The following MSH4 variants were observed in gnomAD, a reference collection of about 807,000 sequenced individuals.
The protein encoded by MSH4 is mutS homolog 4.
Under a neutral mutation model 113.7 loss-of-function variants are expected in MSH4, and 106 were observed. The observed-to-expected ratio is 0.93, with a 90% CI of 0.80 to 1.10. The LOEUF (loss-of-function observed/expected upper bound fraction) is 1.10. MSH4 is among the 50% of genes least tolerant of loss of function. The pLI is 0.00. For missense variants in MSH4, 1,061 were observed against 1,093.7 expected, an observed-to-expected ratio of 0.97 and a Z score of 0.42; for synonymous variants, 368 against 380.2, an observed-to-expected ratio of 0.97 and a Z score of 0.37.
intron 17 of MSH4, among the ~76,000 whole-genome samples, chr1:75,891,549 G>T (rs1241728749): frequency 6.6e-6 from 1 of 152,034 alleles, no homozygotes; most frequent in Non-Finnish European, 1.5e-5. Context: ...CACCTTTCAG[G>T]CTCCAGCAAT....
intron 11 of MSH4, 76 bp downstream of exon 11, chr1:75,878,394 T>C (rs1373734524): frequency 8.8e-7 from 1 of 1,130,296 alleles, no homozygotes. Flanking sequence ...TTTTTGCTGC[T>C]GATGACTAGC....
chr1:75,891,739 C>T (rs956618856), intron 17 of MSH4, among the ~76,000 whole-genome samples: 1 of 151,992 alleles, frequency 6.6e-6, no homozygotes, highest in Admixed American at 6.6e-5. Context: ...CAGGCTGAGC[C>T]GTCATGCCCA....
At chr1:75,815,547 C>A (rs983226216) in intron 5 of MSH4, among the ~76,000 whole-genome samples, 3 of 152,144 alleles carry the variant, frequency 2.0e-5, no homozygotes, top group Non-Finnish European at 4.4e-5. Flanking sequence ...TCTGTCTTTA[C>A]TCCTAACAGA....
At chr1:75,878,920 AAC>A in intron 11 of MSH4, 70 bp from the exon 12 acceptor site, 1 of 1,344,342 alleles carries the variant, frequency 7.4e-7, no homozygotes, top group East Asian at 2.4e-5. Context: ...GACTCTTTAA[AAC>A]AGAGTGATTT....
At chr1:75,823,875 A>G (rs980998034) in intron 7 of MSH4, among the ~76,000 whole-genome samples, 2 of 152,078 alleles carry the variant, frequency 1.3e-5, no homozygotes, top group African/African-American at 4.8e-5. Context: ...CCAGTCTATC[A>G]TTGATGGGCA....
At chr1:75,885,926 T>C (rs1382058663) in intron 15 of MSH4, among the ~76,000 whole-genome samples, 1 of 36,620 alleles carries the variant, frequency 2.7e-5, no homozygotes, top group African/African-American at 7.3e-5. Flanking sequence ...ATATATATGA[T>C]GTATTATATA....
intron 1 of MSH4, among the ~76,000 whole-genome samples, chr1:75,803,070 C>T (rs796806037): frequency 7.9e-5 from 12 of 152,254 alleles, no homozygotes; most frequent in African/African-American, 2.9e-4. Context: ...AAGGCCCCAC[C>T]TCTGTCCTGC....
intron 15 of MSH4, among the ~76,000 whole-genome samples, chr1:75,887,340 TAAGTTTCCTGA>T (rs758171543): frequency 1.9e-4 from 29 of 152,112 alleles, no homozygotes; most frequent in Non-Finnish European, 3.4e-4. Context: ...GTCATGATTG[TAAGTTTCCTGA>T]AGCCTCCCCA....
chr1:75,852,224 T>C (rs1051891795), intron 8 of MSH4, among the ~76,000 whole-genome samples: 2 of 152,236 alleles, frequency 1.3e-5, no homozygotes, highest in Non-Finnish European at 2.9e-5. Flanking sequence ...CTTTATTCTT[T>C]GTATTGACAA....
chr1:75,906,589 T>A (rs1652661532), intron 19 of MSH4, among the ~76,000 whole-genome samples: 1 of 96,364 alleles, frequency 1.0e-5, no homozygotes, highest in African/African-American at 4.1e-5. Flanking sequence ...ATATATATTT[T>A]AATTTATGAT....
At chr1:75,887,473 G>C (rs1652150524) in intron 15 of MSH4, among the ~76,000 whole-genome samples, 1 of 152,026 alleles carries the variant, frequency 6.6e-6, no homozygotes, top group Non-Finnish European at 1.5e-5. Context: ...AGCTAATATT[G>C]AGTGTTCACT....
At chr1:75,813,912 G>C (rs904967536) in intron 4 of MSH4, among the ~76,000 whole-genome samples, 2 of 151,970 alleles carry the variant, frequency 1.3e-5, no homozygotes, top group Non-Finnish European at 2.9e-5. Context: ...GGACTTCAAA[G>C]AAATCTAAAT....
rs917388867 is a variant in MSH4, at chr1:75,810,715, A to G, written c.607A>G (p.Ile203Val). 1 of 1,556,458 alleles carries G rather than the reference A, an allele frequency of 6.4e-7. No individual in the cohort carries two copies. The change falls in exon 4 of 20, where the codon ATT becomes GTT. Residue 203 changes from isoleucine to valine, a missense_variant. Transcript: ENST00000263187. ...TYAKVITKLK[I>V]LSPLEIIMSN... is the part of the protein sequence containing the mutation. ...ATTTCAGGTGATCACTAAACTTAAA[A>G]TTTTATCACCTTTGGAAATAATAAT... is the stretch of plus-strand genomic sequence containing the variant.
intron 7 of MSH4, among the ~76,000 whole-genome samples, chr1:75,834,122 T>A (rs1182188151): frequency 6.6e-6 from 1 of 152,142 alleles, no homozygotes; most frequent in African/African-American, 2.4e-5. Context: ...GGGCAAAGGA[T>A]ATGAACAGAC....
Position 75,899,695 on chromosome 1 carries a change from A to C in MSH4, c.2608A>C (p.Arg870=). 1 of 1,495,180 alleles carries C rather than the reference A, an allele frequency of 6.7e-7. No individual in the cohort carries two copies. The highest frequency in any genetic ancestry group is 8.9e-7 in the Non-Finnish European group (1 of 1,129,242). 92.6% of individuals were successfully genotyped at this position (1,495,180 alleles called of 1,614,324 possible). A position where few individuals can be genotyped will look rare whatever the true frequency, so the allele number is the denominator to read the frequency against. Residue 870 remains arginine, a synonymous_variant, in exon 19 of 20, where the codon AGA becomes CGA. Coordinates refer to ENST00000263187, the MANE Select transcript of MSH4 (RefSeq NM_002440.4). ...DAKEITTQIT[R]QILQNQRSTP... is the part of the protein sequence containing the mutation. ...CAAGGAAATCACAACTCAAATTACG[A>C]GACAAATTTTGGTAAGAAACTTTGT... is the stretch of plus-strand genomic sequence containing the variant.
At chr1:75,805,360 AT>A (rs982211156) in intron 2 of MSH4, among the ~76,000 whole-genome samples, 149 of 141,012 alleles carry the variant, frequency 1.1e-3, no homozygotes, top group African/African-American at 3.8e-3. Context: ...TACCTTTTTT[AT>A]TTTTTTTAAT....
chr1:75,894,465 C>T (rs912865753), intron 17 of MSH4, among the ~76,000 whole-genome samples: 5 of 152,196 alleles, frequency 3.3e-5, no homozygotes, highest in Non-Finnish European at 7.3e-5. Context: ...ACTGCATGCC[C>T]AGTCTGTCGG....
intron 14 of MSH4, among the ~76,000 whole-genome samples, chr1:75,883,145 C>T (rs187969507): frequency 6.6e-4 from 100 of 151,236 alleles, no homozygotes; most frequent in Non-Finnish European, 7.4e-5. Flanking sequence ...GCTGGGACTA[C>T]AGGCATGAGC....
Position 75,912,698 on chromosome 1 carries a change from A to G in MSH4, c.2622A>G (p.Gln874=). 6.7e-7 allele frequency: 1 copy of G among 1,498,072 alleles called. No individual in the cohort carries two copies. Among genetic ancestry groups the G allele is most frequent in the Non-Finnish European group, 8.8e-7 (1 of 1,133,608 alleles). 92.8% of individuals were successfully genotyped at this position (1,498,072 alleles called of 1,614,324 possible). A position where few individuals can be genotyped will look rare whatever the true frequency, so the allele number is the denominator to read the frequency against. ...ITTQITRQIL[Q]NQRSTPEMER... is the part of the protein sequence containing the mutation. ...TATTTTTTTTTTTTCAATGACAGCA[A>G]AACCAAAGGAGTACCCCTGAGATGG... The change falls in exon 20 of 20, where the codon CAA becomes CAG. Residue 874 remains glutamine, a splice_region_variant and synonymous_variant. Coordinates refer to ENST00000263187, the MANE Select transcript of MSH4 (RefSeq NM_002440.4).
Sources: gnomAD v4.1 joint callset for allele counts (sites outside exome capture counted in the v4.1 genomes callset) on GRCh38, gnomAD v4.1.1 for gene constraint, MANE v1.5 for transcripts, NCBI Gene and HGNC (gene_info 2026-07-23, HGNC 2026-07-21) for gene names.